CUX1: variants seen among roughly 807,000 people sequenced by gnomAD.
CUX1 encodes protein CASP.
A neutral mutation model predicts 158.8 loss-of-function variants in CUX1; 31 were observed. The observed-to-expected ratio is 0.20, with a 90% CI of 0.15 to 0.26. CUX1 has a LOEUF of 0.26. CUX1 is among the 10% of genes least tolerant of loss of function. The pLI is 1.00. For missense variants in CUX1, 1,589 were observed against 2,014.6 expected (o/e 0.79, Z 4.04); for synonymous variants, 879 against 862.1 (o/e 1.02, Z -0.34).
chr7:101,865,696 G>T (rs1797872433), intron 1 of CUX1, among the ~76,000 whole-genome samples: 1 of 152,248 alleles, frequency 6.6e-6, no homozygotes, highest in Admixed American at 6.5e-5. Flanking sequence ...GCACCCTGGA[G>T]TGTGGAGATA....
At chr7:101,841,287 T>C (rs1474763195) in intron 1 of CUX1, among the ~76,000 whole-genome samples, 1 of 152,114 alleles carries the variant, frequency 6.6e-6, no homozygotes, top group Non-Finnish European at 1.5e-5. Context: ...TCTGTGATCA[T>C]AGTATTTTTT....
At chr7:102,091,469 T>C (rs533989304) in intron 4 of CUX1, among the ~76,000 whole-genome samples, 1 of 152,256 alleles carries the variant, frequency 6.6e-6, no homozygotes, top group South Asian at 2.1e-4. Flanking sequence ...TAACTGGGAC[T>C]ACAGGTGTGT....
intron 3 of CUX1, among the ~76,000 whole-genome samples, chr7:102,046,891 C>T (rs1822886924): frequency 6.6e-6 from 1 of 152,074 alleles, no homozygotes; most frequent in Admixed American, 6.6e-5. Context: ...CACTTCTGTT[C>T]TTGACAGCTT....
At chr7:101,834,299 G>A (rs1420446946) in intron 1 of CUX1, among the ~76,000 whole-genome samples, 3 of 145,420 alleles carry the variant, frequency 2.1e-5, no homozygotes, top group Non-Finnish European at 4.5e-5. Flanking sequence ...TCAGCCTCCC[G>A]AGTAGCTGGG....
chr7:102,115,102 C>G, intron 7 of CUX1, 105 bp from the exon 8 acceptor site: 1 of 948,284 alleles, frequency 1.1e-6, no homozygotes, highest in Non-Finnish European at 1.6e-6. Flanking sequence ...CCACGCACCT[C>G]GCTCCTCACA....
intron 3 of CUX1, among the ~76,000 whole-genome samples, chr7:102,053,869 G>T (rs1212185170): frequency 7.0e-6 from 1 of 143,138 alleles, no homozygotes; most frequent in Non-Finnish European, 1.5e-5. Context: ...GCAGTGTCAC[G>T]ATCTCGGCTC....
intron 1 of CUX1, among the ~76,000 whole-genome samples, chr7:101,901,546 C>G (rs1486261767): frequency 1.3e-5 from 2 of 152,068 alleles, no homozygotes; most frequent in Admixed American, 1.3e-4. Flanking sequence ...CCACCTGCCT[C>G]GGCCTCCCAA....
At chr7:102,169,115 T>C (rs536231688) in intron 9 of CUX1, among the ~76,000 whole-genome samples, 36 of 152,054 alleles carry the variant, frequency 2.4e-4, no homozygotes, top group African/African-American at 8.0e-4. Context: ...GTGTTTTTAG[T>C]AGAGACGAGG....
intron 11 of CUX1, among the ~76,000 whole-genome samples, chr7:102,181,524 C>CA (rs1563364499): frequency 6.6e-6 from 1 of 152,088 alleles, no homozygotes; most frequent in South Asian, 2.1e-4. Context: ...TTTGCCTTCA[C>CA]AAAAAAATGA....
At chr7:101,826,783 T>G (rs1793352394) in intron 1 of CUX1, among the ~76,000 whole-genome samples, 2 of 151,890 alleles carry the variant, frequency 1.3e-5, no homozygotes, top group South Asian at 4.1e-4. Context: ...TGGCCGGGGA[T>G]CTCTAGGGCT....
chr7:102,009,277 T>G (rs1390199120), intron 2 of CUX1, among the ~76,000 whole-genome samples: 1 of 151,860 alleles, frequency 6.6e-6, no homozygotes, highest in East Asian at 1.9e-4. Flanking sequence ...CACAGTGGAG[T>G]GGCTGTCATG....
At chr7:101,938,431 T>C (rs1158382593) in intron 2 of CUX1, among the ~76,000 whole-genome samples, 2 of 152,182 alleles carry the variant, frequency 1.3e-5, no homozygotes, top group Non-Finnish European at 2.9e-5. Context: ...TTGGAGCCTG[T>C]TTTTGGTTAC....
downstream of CUX1, among the ~76,000 whole-genome samples, chr7:102,260,031 G>A (rs1443040743): frequency 2.0e-5 from 3 of 150,782 alleles, no homozygotes; most frequent in Non-Finnish European, 4.4e-5. Flanking sequence ...GGAGTTCAAC[G>A]CTGCAGTGAG....
chr7:102,059,457 A>C (rs898673951), intron 3 of CUX1, among the ~76,000 whole-genome samples: 1 of 151,828 alleles, frequency 6.6e-6, no homozygotes, highest in Non-Finnish European at 1.5e-5. Context: ...AACGTGGTGA[A>C]ACCCCATCTA....
intron 1 of CUX1, among the ~76,000 whole-genome samples, chr7:101,906,483 G>A (rs987959804): frequency 1.3e-5 from 2 of 152,000 alleles, no homozygotes; most frequent in African/African-American, 4.8e-5. Context: ...CTAGGGGAAC[G>A]TCAGCATGCC....
Position 102,067,229 on chromosome 7 carries a change from C to CTTTTTTTT in CUX1, c.190-3095_190-3088dup, listed in dbSNP as rs34912215. Among the ~76,000 whole-genome samples the CTTTTTTTT allele has an allele frequency of 5.3e-5, 5 of 94,030 alleles. 1 individual carries two copies. The highest frequency in any genetic ancestry group is 1.7e-4 in the African/African-American group (4 of 23,296). The allele number at this position is 94,030 out of a possible 152,430, so 61.7% of individuals were successfully genotyped here. A position where few individuals can be genotyped will look rare whatever the true frequency, so the allele number is the denominator to read the frequency against. ...GCCTGTGTGTCTGCATTTCATGTAA[C>CTTTTTTTT]TTTTTTTTTTTTTTTTTTTTTTGAG... On this transcript the variant is annotated intron_variant, in intron 3 of 23. Coordinates refer to ENST00000292535, the MANE Select transcript of CUX1 (RefSeq NM_181552.4).
At chr7:102,180,574 C>T (rs1248566950) in intron 11 of CUX1, among the ~76,000 whole-genome samples, 5 of 151,736 alleles carry the variant, frequency 3.3e-5, no homozygotes, top group Non-Finnish European at 7.4e-5. Context: ...AATTCTCCCA[C>T]CTCGGCTCCC....
chr7:102,018,861 T>C (rs149727654), intron 2 of CUX1, among the ~76,000 whole-genome samples: 2 of 152,220 alleles, frequency 1.3e-5, no homozygotes, highest in Non-Finnish European at 2.9e-5. Flanking sequence ...GAGGCTATCA[T>C]CACACATCGC....
At position 102,248,339 on chromosome 7, in the gene CUX1, T is replaced by A; in HGVS notation, c.3888-73T>A. 1 of 1,382,910 alleles carries A rather than the reference T, an allele frequency of 7.2e-7. No homozygotes were observed. Among genetic ancestry groups the A allele is most frequent in the Non-Finnish European group, 9.7e-7 (1 of 1,030,364 alleles). The allele number at this position is 1,382,910 out of a possible 1,614,324, so 85.7% of individuals were successfully genotyped here. A position where few individuals can be genotyped will look rare whatever the true frequency, so the allele number is the denominator to read the frequency against. ...AGCAGGAGCCCCAGAGAGAGGGGTC[T>A]GGCTGGGGTAGCACCAGAGGCCCTT... is the stretch of plus-strand genomic sequence containing the variant. On this transcript the variant is annotated intron_variant, in intron 23 of 23. Coordinates refer to ENST00000292535, the MANE Select transcript of CUX1 (RefSeq NM_181552.4). This position sits in a 1 kb window ranked among gnomAD's most constrained non-coding sequence, Gnocchi z 5.8.
Sources: allele counts gnomAD v4.1 joint callset (sites outside exome capture counted in the v4.1 genomes callset), GRCh38; gene constraint gnomAD v4.1.1; non-coding constraint Gnocchi (gnomAD v3.1); transcripts MANE v1.5; gene names NCBI Gene and HGNC (gene_info 2026-07-23, HGNC 2026-07-21).